The following FGF12 variants were observed in gnomAD, a reference collection of about 807,000 sequenced individuals.
The protein encoded by FGF12 is fibroblast growth factor 12, also known as fibroblast growth factor 12B.
A neutral mutation model predicts 23.6 loss-of-function variants in FGF12; 14 were observed. That is an observed-to-expected ratio of 0.59 (90% CI 0.39 to 0.93). The LOEUF (loss-of-function observed/expected upper bound fraction) is 0.93. Among genes scored for constraint, FGF12 ranks in the 40% least tolerant of loss-of-function variants. FGF12 has a pLI of 0.00. For synonymous variants in FGF12, 62 were observed against 77.3 expected (o/e 0.80, Z 1.04); for missense variants, 175 against 217.8 (o/e 0.80, Z 1.24).
At chr3:192,371,080 C>T (rs1044122751) in intron 2 of FGF12, among the ~76,000 whole-genome samples, 3 of 152,126 alleles carry the variant, frequency 2.0e-5, no homozygotes, top group Non-Finnish European at 4.4e-5. Context: ...AATGATCACC[C>T]AGAGAAGTAG....
At chr3:192,540,570 C>A (rs1379332223) in intron 2 of FGF12, among the ~76,000 whole-genome samples, 10 of 152,026 alleles carry the variant, frequency 6.6e-5, no homozygotes, top group Non-Finnish European at 1.3e-4. Context: ...TAAGGTATAT[C>A]CTTGAGAATG....
chr3:192,381,260 T>A (rs892121935), intron 2 of FGF12, among the ~76,000 whole-genome samples: 1 of 152,186 alleles, frequency 6.6e-6, no homozygotes, highest in African/African-American at 2.4e-5. Context: ...GAAGACTTTG[T>A]TAATACTGAT....
At chr3:192,524,949 A>G (rs1724907305) in intron 2 of FGF12, among the ~76,000 whole-genome samples, 1 of 152,134 alleles carries the variant, frequency 6.6e-6, no homozygotes, top group African/African-American at 2.4e-5. Flanking sequence ...TTTTGTCCTA[A>G]TGCTACAAAG....
intron 4 of FGF12, among the ~76,000 whole-genome samples, chr3:192,309,951 A>G (rs1353632216): frequency 6.6e-6 from 1 of 152,142 alleles, no homozygotes; most frequent in African/African-American, 2.4e-5. Flanking sequence ...CTTCTTTTTA[A>G]GAGATGGGCT....
intron 2 of FGF12, among the ~76,000 whole-genome samples, chr3:192,392,151 C>A (rs1720318706): frequency 6.6e-6 from 1 of 152,060 alleles, no homozygotes; most frequent in Non-Finnish European, 1.5e-5. Context: ...ATTTTTGTTT[C>A]TCAGAAGACT....
chr3:192,442,749 C>T lies in FGF12; in HGVS notation c.14-82211G>A, dbSNP rs971479995. ...TGCTGCCTGGTAACTGAGATGAGCC[C>T]TAGCTAAAGAACCTGTTATTGTTTT... On this transcript the variant is annotated intron_variant, in intron 2 of 5. Coordinates refer to ENST00000445105, the MANE Select transcript of FGF12 (RefSeq NM_004113.6). 7.9e-5 allele frequency among the ~76,000 whole-genome samples: 12 copies of T among 151,944 alleles called. No homozygotes were observed. In the East Asian group the frequency reaches 2.1e-3, roughly 27 times the overall value.
chr3:192,173,307 A>AAATC (rs1449268575), intron 4 of FGF12, among the ~76,000 whole-genome samples: 2 of 150,894 alleles, frequency 1.3e-5, no homozygotes, highest in African/African-American at 4.8e-5. Context: ...CAATGAAAAA[A>AAATC]AATCAGATAA....
chr3:192,525,171 T>C (rs1343557728), intron 2 of FGF12, among the ~76,000 whole-genome samples: 1 of 152,166 alleles, frequency 6.6e-6, no homozygotes, highest in Non-Finnish European at 1.5e-5. Context: ...CACATTAAAA[T>C]TCCTACGCTA....
intron 2 of FGF12, among the ~76,000 whole-genome samples, chr3:192,478,046 GA>G (rs1379789734): frequency 6.6e-6 from 1 of 152,152 alleles, no homozygotes; most frequent in African/African-American, 2.4e-5. Flanking sequence ...ACTTTGCTAA[GA>G]ATCGTTAAAT....
chr3:192,631,618 A>G (rs1032769882), intron 2 of FGF12, among the ~76,000 whole-genome samples: 1 of 152,184 alleles, frequency 6.6e-6, no homozygotes, highest in African/African-American at 2.4e-5. Flanking sequence ...GCTCTAAAAA[A>G]TGGCATGCCA....
intron 4 of FGF12, among the ~76,000 whole-genome samples, chr3:192,267,831 A>G (rs1443697736): frequency 6.6e-6 from 1 of 152,184 alleles, no homozygotes; most frequent in Non-Finnish European, 1.5e-5. Context: ...TGCTATTCAA[A>G]ATCATAAAAA....
At chr3:192,335,813 C>T (rs186212376) in intron 3 of FGF12, among the ~76,000 whole-genome samples, 1 of 152,002 alleles carries the variant, frequency 6.6e-6, no homozygotes, top group African/African-American at 2.4e-5. Context: ...ATAATATGGA[C>T]CGAAAAATTC....
chr3:192,301,813 G>A (rs1715362800), intron 4 of FGF12, among the ~76,000 whole-genome samples: 1 of 152,088 alleles, frequency 6.6e-6, no homozygotes, highest in Non-Finnish European at 1.5e-5. Flanking sequence ...AGAAAAGAGA[G>A]TATGGGAGTA....
intron 2 of FGF12, among the ~76,000 whole-genome samples, chr3:192,394,353 A>G (rs1288482731): frequency 2.6e-5 from 4 of 152,198 alleles, no homozygotes; most frequent in Non-Finnish European, 5.9e-5. Flanking sequence ...AATAAAGAAT[A>G]TACAACAGAG....
chr3:192,211,150 G>A (rs1717909209), intron 4 of FGF12, among the ~76,000 whole-genome samples: 1 of 152,178 alleles, frequency 6.6e-6, no homozygotes, highest in South Asian at 2.1e-4. Context: ...TTGGATTTGA[G>A]GGGCACTCTG....
intron 2 of FGF12, among the ~76,000 whole-genome samples, chr3:192,659,117 GCTCAA>G (rs1283991716): frequency 6.6e-6 from 1 of 152,108 alleles, no homozygotes; most frequent in Non-Finnish European, 1.5e-5. Context: ...GAAAACATGA[GCTCAA>G]CAATGGACAT....
At chr3:192,362,012 A>G (rs1277578459) in intron 2 of FGF12, among the ~76,000 whole-genome samples, 2 of 152,316 alleles carry the variant, frequency 1.3e-5, no homozygotes, top group East Asian at 3.9e-4. Context: ...GTGAACCTCA[A>G]TGTCCTCATC....
intron 2 of FGF12, among the ~76,000 whole-genome samples, chr3:192,522,443 T>C (rs950768556): frequency 6.6e-6 from 1 of 152,168 alleles, no homozygotes; most frequent in Admixed American, 6.5e-5. Context: ...AGGATAAAAA[T>C]GTTTGATAAC....
chr3:192,474,936 C>A (rs1305076835), intron 2 of FGF12, among the ~76,000 whole-genome samples: 1 of 150,696 alleles, frequency 6.6e-6, no homozygotes, highest in Non-Finnish European at 1.5e-5. Context: ...ACAAAGCCCA[C>A]AAAGAGAGTA....
Sources: allele counts gnomAD v4.1 joint callset (sites outside exome capture counted in the v4.1 genomes callset), GRCh38; gene constraint gnomAD v4.1.1; transcripts MANE v1.5; gene names NCBI Gene and HGNC (gene_info 2026-07-23, HGNC 2026-07-21).